The following TBCK variants were observed in gnomAD, a reference collection of about 807,000 sequenced individuals.
TBCK encodes TBC domain-containing protein kinase-like protein.
Under a neutral mutation model 113.4 loss-of-function variants are expected in TBCK, and 99 were observed. The ratio of observed to expected loss-of-function variants is 0.87; its 90% confidence interval spans 0.74 to 1.03. The LOEUF is 1.03. Ranked by LOEUF, TBCK falls within the 50% of genes least tolerant of loss-of-function variation. The pLI, the probability that TBCK is intolerant of heterozygous loss-of-function variation, is 0.00. For missense variants in TBCK, 1,045 were observed against 1,061.3 expected (o/e 0.98, Z 0.21); for synonymous variants, 369 against 370.8 (o/e 1.00, Z 0.05).
At chr4:106,068,513 G>A (rs931303096) in intron 25 of TBCK, among the ~76,000 whole-genome samples, 1 of 152,156 alleles carries the variant, frequency 6.6e-6, no homozygotes, top group African/African-American at 2.4e-5. Context: ...ATTTCATGGT[G>A]TATATGTGCC....
At chr4:106,303,914 C>T (rs1048145463) in intron 2 of TBCK, among the ~76,000 whole-genome samples, 1 of 152,092 alleles carries the variant, frequency 6.6e-6, no homozygotes, top group Non-Finnish European at 1.5e-5. Flanking sequence ...ACTCCACCCT[C>T]GGATCATGAC....
intron 23 of TBCK, among the ~76,000 whole-genome samples, chr4:106,131,867 C>T (rs943359111): frequency 3.3e-5 from 5 of 152,184 alleles, no homozygotes; most frequent in African/African-American, 4.8e-5. Flanking sequence ...CAGATGTTGA[C>T]GAGGAACTTC....
intron 25 of TBCK, among the ~76,000 whole-genome samples, chr4:106,088,439 C>T (rs1739769812): frequency 6.6e-6 from 1 of 152,144 alleles, no homozygotes; most frequent in Non-Finnish European, 1.5e-5. Context: ...ATTAAAAAGT[C>T]AGGAAACTAT....
At chr4:106,216,897 A>T (rs373606529) in intron 19 of TBCK, among the ~76,000 whole-genome samples, 15 of 151,876 alleles carry the variant, frequency 9.9e-5, no homozygotes, top group African/African-American at 3.1e-4. Flanking sequence ...TACCAAAGCC[A>T]GGCAGAGACA....
intron 3 of TBCK, among the ~76,000 whole-genome samples, chr4:106,292,585 A>G (rs1765841951): frequency 6.6e-6 from 1 of 151,346 alleles, no homozygotes; most frequent in African/African-American, 2.4e-5. Flanking sequence ...AAAAAAAAAA[A>G]GTACATGCCC....
At chr4:106,298,126 C>T (rs995991289) in intron 2 of TBCK, among the ~76,000 whole-genome samples, 5 of 152,110 alleles carry the variant, frequency 3.3e-5, no homozygotes, top group Admixed American at 1.3e-4. Flanking sequence ...TGTTTCAACT[C>T]TAATAATTTG....
In TBCK at chr4:106,060,091, A is replaced by G. The variant is rs553599341; in HGVS notation, c.2572-13411T>C. 4.4e-4 allele frequency among the ~76,000 whole-genome samples: 67 copies of G among 151,930 alleles called. 1 individual carries two copies. The highest frequency in any genetic ancestry group is 1.6e-3 in the African/African-American group (66 of 41,518). On this transcript the variant is annotated intron_variant, in intron 25 of 25. Coordinates refer to ENST00000394708, the MANE Select transcript of TBCK (RefSeq NM_001163435.3). ...AGCAGACATTGGTTCATGAGCTTTA[A>G]GAAAAGAAGCTGTCTCCATAACTAA...
intron 5 of TBCK, among the ~76,000 whole-genome samples, chr4:106,256,293 A>G (rs964458094): frequency 1.3e-5 from 2 of 151,986 alleles, no homozygotes; most frequent in Non-Finnish European, 2.9e-5. Context: ...GTCACTCTTC[A>G]TGGTGCCCAG....
chr4:106,116,215 CG>C lies in TBCK; in HGVS notation c.2398del (p.Arg800GlyfsTer64). 1 of 1,613,778 alleles carries C rather than the reference CG, an allele frequency of 6.2e-7. No individual in the cohort carries two copies. Among genetic ancestry groups the C allele is most frequent in the Middle Eastern group, 1.7e-4 (1 of 6,060 alleles). The part of the protein sequence containing the change: ...SKPKLLVVDI[R>X]NSEDFIRGHI... ...ATGCAAAGGATACTCTTCACTATTC[CG>C]GATGTCAACCACCAGGAGCTTTGGT... On this transcript the variant is annotated frameshift_variant, in exon 24 of 26. Transcript: ENST00000394708. LOFTEE classifies it high-confidence loss of function.
At chr4:106,237,395 T>A (rs1024473344) in intron 12 of TBCK, 1 of 420,854 alleles carries the variant, frequency 2.4e-6, no homozygotes, top group African/African-American at 2.0e-5. Context: ...CTGACAGGAT[T>A]ACAGGTATTC....
intron 19 of TBCK, among the ~76,000 whole-genome samples, chr4:106,225,772 ACAAGTCTCTC>A (rs1758175053): frequency 6.6e-6 from 1 of 151,828 alleles, no homozygotes; most frequent in African/African-American, 2.4e-5. Context: ...GGCCTTTCTG[ACAAGTCTCTC>A]CAAATTCATG....
At chr4:106,219,872 C>A (rs1446746118) in intron 19 of TBCK, among the ~76,000 whole-genome samples, 1 of 152,072 alleles carries the variant, frequency 6.6e-6, no homozygotes, top group Non-Finnish European at 1.5e-5. Flanking sequence ...AAACTTTTCC[C>A]TTCATAATCA....
chr4:106,069,123 T>G (rs1422833564), intron 25 of TBCK, among the ~76,000 whole-genome samples: 1 of 152,222 alleles, frequency 6.6e-6, no homozygotes, highest in African/African-American at 2.4e-5. Context: ...TAGTTTCTTT[T>G]GCTGTGCAGA....
At chr4:106,130,145 T>C (rs1745710571) in intron 23 of TBCK, among the ~76,000 whole-genome samples, 2 of 152,210 alleles carry the variant, frequency 1.3e-5, no homozygotes, top group Admixed American at 6.5e-5. Context: ...TCATTTTAAG[T>C]GTCCTAATTT....
chr4:106,111,300 C>T (rs961473091), intron 24 of TBCK, among the ~76,000 whole-genome samples: 12 of 152,190 alleles, frequency 7.9e-5, no homozygotes, highest in South Asian at 2.1e-4. Context: ...GCATGACTTA[C>T]GTGCTATTGA....
At chr4:106,129,642 A>T (rs1231945994) in intron 23 of TBCK, among the ~76,000 whole-genome samples, 1 of 152,244 alleles carries the variant, frequency 6.6e-6, no homozygotes, top group African/African-American at 2.4e-5. Flanking sequence ...ATAAACATAT[A>T]CTTGACAAAA....
At chr4:106,214,103 G>A (rs1428006715) in intron 19 of TBCK, among the ~76,000 whole-genome samples, 6 of 152,104 alleles carry the variant, frequency 3.9e-5, no homozygotes, top group Non-Finnish European at 7.3e-5. Context: ...CTCCAGCAGG[G>A]GCACACTGAC....
intron 3 of TBCK, among the ~76,000 whole-genome samples, chr4:106,288,634 G>A (rs898310498): frequency 6.6e-6 from 1 of 152,064 alleles, no homozygotes; most frequent in East Asian, 1.9e-4. Context: ...GATAAATACC[G>A]ATAATCTTCT....
chr4:106,108,692 C>T (rs141740224), intron 24 of TBCK, among the ~76,000 whole-genome samples: 30,077 of 152,100 alleles, frequency 0.2, 3,386 homozygotes, highest in South Asian at 0.27. Flanking sequence ...CCCTTGAAAA[C>T]TGGCACAAGA....
Sources: allele counts gnomAD v4.1 joint callset (sites outside exome capture counted in the v4.1 genomes callset), GRCh38; gene constraint gnomAD v4.1.1; transcripts MANE v1.5; gene names NCBI Gene and HGNC (gene_info 2026-07-23, HGNC 2026-07-21).